Variants in LRP1B observed in about 807,000 individuals in gnomAD.
LRP1B encodes LDL receptor related protein 1B.
In LRP1B, 217 loss-of-function variants were observed where a neutral mutation model predicts 556.6. That is an observed-to-expected ratio of 0.39 (90% CI 0.35 to 0.44). LRP1B has a LOEUF of 0.44. LRP1B is among the 20% of genes least tolerant of loss of function. The pLI, the probability that LRP1B is intolerant of heterozygous loss-of-function variation, is 1.00. For missense variants in LRP1B, 5,053 were observed against 5,620.8 expected, an observed-to-expected ratio of 0.90 and a Z score of 3.23; for synonymous variants, 2,047 against 1,865.8, an observed-to-expected ratio of 1.10 and a Z score of -2.50.
chr2:141,596,988 A>T (rs1403419444), intron 2 of LRP1B, among the ~76,000 whole-genome samples: 2 of 151,332 alleles, frequency 1.3e-5, no homozygotes, highest in Non-Finnish European at 2.9e-5. Flanking sequence ...TGTAAAAAAA[A>T]GTCAGAACTG....
chr2:140,983,926 A>C (rs977927717), intron 17 of LRP1B, among the ~76,000 whole-genome samples: 2 of 151,882 alleles, frequency 1.3e-5, no homozygotes, highest in African/African-American at 2.4e-5. Context: ...ATTACAAGTA[A>C]AATTAAATAA....
At chr2:140,845,761 G>C (rs1399309265) in intron 29 of LRP1B, among the ~76,000 whole-genome samples, 1 of 152,026 alleles carries the variant, frequency 6.6e-6, no homozygotes, top group African/African-American at 2.4e-5. Context: ...AGTAATTTTT[G>C]AATGTGTAAA....
chr2:141,926,408 G>C (rs1700335207), intron 1 of LRP1B, among the ~76,000 whole-genome samples: 2 of 152,110 alleles, frequency 1.3e-5, no homozygotes, highest in African/African-American at 4.8e-5. Flanking sequence ...TTGTATCCAT[G>C]AGCACAGCGC....
At chr2:141,774,304 A>G (rs1278035186) in intron 2 of LRP1B, among the ~76,000 whole-genome samples, 2 of 152,134 alleles carry the variant, frequency 1.3e-5, no homozygotes, top group Admixed American at 6.5e-5. Flanking sequence ...TGGTGTTGGC[A>G]TCTACTTCTG....
intron 1 of LRP1B, among the ~76,000 whole-genome samples, chr2:142,128,648 A>G (rs1707741944): frequency 6.6e-6 from 1 of 152,162 alleles, no homozygotes; most frequent in Non-Finnish European, 1.5e-5. Context: ...TTAAATATAT[A>G]ATAGTGGCAA....
intron 1 of LRP1B, among the ~76,000 whole-genome samples, chr2:141,864,805 C>T (rs1698353694): frequency 6.6e-6 from 1 of 152,080 alleles, no homozygotes; most frequent in Non-Finnish European, 1.5e-5. Flanking sequence ...TCACTTGAAT[C>T]CAGGAGGCGG....
At position 140,950,360 on chromosome 2, in the gene LRP1B, T is replaced by C. The variant is rs1298297282; in HGVS notation, c.3011A>G (p.His1004Arg). The change falls in exon 20 of 91, where the codon CAC becomes CGC. Residue 1004 changes from histidine (H) to arginine (R), a missense_variant. This residue lies in a region of LRP1B where 3,619 missense variants were observed against 3,931.9 expected (regional missense o/e 0.92). Coordinates refer to ENST00000389484, the MANE Select transcript of LRP1B (RefSeq NM_018557.3). ...GDGSDEVGCV[H>R]SCFDNQFRCS... ...TCTGAACTGATTATCAAAGCAAGAG[T>C]GAACACAGCCCACCTCATCACTCCC... 6 of 1,611,524 alleles carry C rather than the reference T, an allele frequency of 3.7e-6. No homozygotes were observed. The highest frequency in any genetic ancestry group is 1.3e-5 in the African/African-American group (1 of 74,694).
intron 10 of LRP1B, among the ~76,000 whole-genome samples, chr2:141,053,826 A>ATG (rs200557177): frequency 8.0e-5 from 5 of 62,568 alleles, no homozygotes; most frequent in South Asian, 5.3e-4. Flanking sequence ...ATGTGTGTAT[A>ATG]TATGTGTGTG....
At chr2:140,361,623 C>T (rs540263678) in intron 72 of LRP1B, among the ~76,000 whole-genome samples, 3 of 151,190 alleles carry the variant, frequency 2.0e-5, no homozygotes, top group African/African-American at 7.3e-5. Context: ...TGGTGCCTCA[C>T]TCTTCTTTTT....
intron 1 of LRP1B, among the ~76,000 whole-genome samples, chr2:141,832,543 G>A (rs542540364): frequency 6.6e-6 from 1 of 151,780 alleles, no homozygotes; most frequent in Non-Finnish European, 1.5e-5. Flanking sequence ...TTATTCTGAT[G>A]AACATTTTGA....
intron 77 of LRP1B, among the ~76,000 whole-genome samples, chr2:140,341,554 TAA>T (rs972078018): frequency 5.3e-5 from 8 of 151,522 alleles, no homozygotes; most frequent in African/African-American, 1.9e-4. Flanking sequence ...GTCTTTTTAA[TAA>T]AAGAGCTTTG....
At chr2:140,905,741 T>C (rs941772828) in intron 22 of LRP1B, among the ~76,000 whole-genome samples, 4 of 152,104 alleles carry the variant, frequency 2.6e-5, no homozygotes, top group Non-Finnish European at 5.9e-5. Context: ...TTCCAGTTTT[T>C]AGTTTCATGA....
intron 37 of LRP1B, among the ~76,000 whole-genome samples, chr2:140,709,375 C>T (rs1686950101): frequency 6.6e-6 from 1 of 151,236 alleles, no homozygotes; most frequent in African/African-American, 2.4e-5. Flanking sequence ...TTTCAATTTT[C>T]ACAAAGCAAG....
chr2:141,810,274 C>T lies in LRP1B; in HGVS notation c.205+5G>A, dbSNP rs1380261093. The T allele has an allele frequency of 1.2e-6, 2 of 1,612,756 alleles. No individual in the cohort carries two copies. Among genetic ancestry groups the T allele is most frequent in the South Asian group, 2.2e-5 (2 of 91,012 alleles). On this transcript the variant is annotated splice_donor_5th_base_variant and intron_variant, in intron 2 of 90. Coordinates refer to ENST00000389484, the MANE Select transcript of LRP1B (RefSeq NM_018557.3). ...TCCGAATGGCATGAGAACCTTTCTA[C>T]TCACAGGTATCTAAAGACTCGTCTG...
chr2:140,941,619 G>T (rs1049172017), intron 20 of LRP1B, among the ~76,000 whole-genome samples: 3 of 152,104 alleles, frequency 2.0e-5, no homozygotes, highest in Non-Finnish European at 2.9e-5. Context: ...AAAACATACT[G>T]CTTCAACATG....
chr2:141,609,780 T>A (rs906535680), intron 2 of LRP1B, among the ~76,000 whole-genome samples: 8 of 152,198 alleles, frequency 5.3e-5, no homozygotes, highest in African/African-American at 1.9e-4. Flanking sequence ...CCTTGAGCAA[T>A]TCCCCTAACA....
chr2:141,192,035 T>C (rs1681537122), intron 6 of LRP1B, among the ~76,000 whole-genome samples: 1 of 151,976 alleles, frequency 6.6e-6, no homozygotes, highest in African/African-American at 2.4e-5. Flanking sequence ...CTGTTACCAG[T>C]CATGCAACTT....
At chr2:141,444,332 C>A (rs1482428654) in intron 3 of LRP1B, among the ~76,000 whole-genome samples, 1 of 152,122 alleles carries the variant, frequency 6.6e-6, no homozygotes, top group African/African-American at 2.4e-5. Context: ...AGATTTGGGG[C>A]TGAGACAATG....
chr2:140,584,984 G>T (rs1681927059), intron 43 of LRP1B, among the ~76,000 whole-genome samples: 1 of 151,120 alleles, frequency 6.6e-6, no homozygotes, highest in Admixed American at 6.6e-5. Context: ...AGTGAATTTT[G>T]CTGAACATAG....
Sources: allele counts gnomAD v4.1 joint callset (sites outside exome capture counted in the v4.1 genomes callset), GRCh38; gene constraint gnomAD v4.1.1; regional missense constraint gnomAD v4.1.1; transcripts MANE v1.5; gene names NCBI Gene and HGNC (gene_info 2026-07-23, HGNC 2026-07-21).